Variants in PITPNM3 observed in about 807,000 individuals in gnomAD.
PITPNM3 encodes the protein PITPNM family member 3, also known as membrane-associated phosphatidylinositol transfer protein 3.
In PITPNM3, 26 loss-of-function variants were observed where a neutral mutation model predicts 102.0. That is an observed-to-expected ratio of 0.25 (90% confidence interval 0.19 to 0.35). PITPNM3 has a LOEUF of 0.35. PITPNM3 is among the 10% of genes least tolerant of loss of function. The probability of loss-of-function intolerance (pLI) is 1.00; values close to 1 mark genes in which losing one functional copy is unlikely to be tolerated. For missense variants in PITPNM3, 1,083 were observed against 1,346.1 expected, an observed-to-expected ratio of 0.80 and a Z score of 3.06; for synonymous variants, 578 against 558.6, an observed-to-expected ratio of 1.03 and a Z score of -0.49.
Position 6,464,705 on chromosome 17 carries a change from C to T in PITPNM3, c.1957G>A (p.Gly653Arg). The change falls in exon 15 of 20, where the codon GGG (glycine) becomes AGG (arginine). Residue 653 changes from glycine to arginine, a missense_variant. Gly to Arg is a moderately radical substitution (Grantham distance 125). Transcript: ENST00000262483. ...TCGAGGGGCCCGTACATGAACCGCC[C>T]CACCAGGACCTGGGGGCCATCTTCA... is the stretch of plus-strand genomic sequence containing the variant. ...AAEDGPQVLV[G>R]RFMYGPLDMV... is the part of the protein sequence containing the mutation. The T allele has an allele frequency of 1.9e-6, 3 of 1,614,204 alleles. No individual in the cohort carries two copies. Among genetic ancestry groups the T allele is most frequent in the Non-Finnish European group, 2.5e-6 (3 of 1,180,044 alleles).
intron 3 of PITPNM3, among the ~76,000 whole-genome samples, chr17:6,513,236 G>T (rs565256197): frequency 6.6e-6 from 1 of 152,180 alleles, no homozygotes; most frequent in South Asian, 2.1e-4. Context: ...TTCCCCCTAA[G>T]ATCAGGAATA....
chr17:6,536,305 C>T (rs1039560817), intron 2 of PITPNM3, among the ~76,000 whole-genome samples: 5 of 152,136 alleles, frequency 3.3e-5, no homozygotes, highest in Admixed American at 6.5e-5. Context: ...CTGACCCTCG[C>T]GCCACCCACA....
Position 6,477,146 on chromosome 17 carries a change from A to G in PITPNM3, c.968T>C (p.Ile323Thr). The change falls in exon 9 of 20, where the codon ATT becomes ACT. Residue 323 changes from isoleucine to threonine, a missense_variant. Ile to Thr is a moderately conservative substitution (Grantham distance 89, BLOSUM62 -1). Coordinates refer to ENST00000262483, the MANE Select transcript of PITPNM3 (RefSeq NM_031220.4). ...ATCCTCCAACCCACTGGAGATGTCA[A>G]TGTTGCTTTTGCTGAGACGCTTGCT... ...ASSKRLSKSN[I>T]DISSGLEDEE... The G allele has an allele frequency of 6.2e-7, 1 of 1,614,130 alleles. No homozygotes were observed. Among genetic ancestry groups the G allele is most frequent in the Non-Finnish European group, 8.5e-7 (1 of 1,180,008 alleles).
intron 1 of PITPNM3, among the ~76,000 whole-genome samples, chr17:6,552,969 A>C (rs575798528): frequency 1.3e-5 from 2 of 151,066 alleles, no homozygotes; most frequent in East Asian, 3.9e-4. Flanking sequence ...ACGGGGTTTC[A>C]CCGTGTTAGC....
chr17:6,519,498 G>A (rs1176212327), intron 3 of PITPNM3, among the ~76,000 whole-genome samples: 16 of 150,330 alleles, frequency 1.1e-4, no homozygotes, highest in African/African-American at 3.4e-4. Context: ...CAGCCTGGGC[G>A]ACAGAGTGAG....
intron 19 of PITPNM3, among the ~76,000 whole-genome samples, 164 bp from the exon 20 acceptor site, chr17:6,455,807 G>A (rs1254335346): frequency 6.9e-6 from 1 of 145,742 alleles, no homozygotes; most frequent in East Asian, 2.1e-4. Flanking sequence ...GGCATCAGGC[G>A]GAGGGGTGGG....
chr17:6,530,892 G>A (rs1180977293), intron 2 of PITPNM3, among the ~76,000 whole-genome samples: 1 of 152,208 alleles, frequency 6.6e-6, no homozygotes, highest in Non-Finnish European at 1.5e-5. Context: ...GCCTTGCAAG[G>A]CCATGGGGAG....
chr17:6,474,171 A>G (rs956101618), intron 10 of PITPNM3, among the ~76,000 whole-genome samples: 4 of 151,992 alleles, frequency 2.6e-5, no homozygotes, highest in African/African-American at 4.8e-5. Context: ...ACCACCGGAC[A>G]ATGAGGCCAC....
At chr17:6,516,417 AGCCAG>A (rs1908180012) in intron 3 of PITPNM3, among the ~76,000 whole-genome samples, 1 of 151,094 alleles carries the variant, frequency 6.6e-6, no homozygotes, top group Non-Finnish European at 1.5e-5. Context: ...CAAAAAAATT[AGCCAG>A]GCGTGGTGGC....
At chr17:6,463,251 G>C (rs1904562515) in intron 17 of PITPNM3, among the ~76,000 whole-genome samples, 1 of 152,092 alleles carries the variant, frequency 6.6e-6, no homozygotes, top group African/African-American at 2.4e-5. Flanking sequence ...TACTCTCGAG[G>C]TTCTGATCAC....
At chr17:6,539,600 T>C (rs771159908) in intron 1 of PITPNM3, among the ~76,000 whole-genome samples, 5 of 152,134 alleles carry the variant, frequency 3.3e-5, no homozygotes, top group Non-Finnish European at 7.4e-5. Context: ...CCCTTTAAAA[T>C]AGCGCACACA....
Position 6,478,547 on chromosome 17 carries a change from C to T in PITPNM3, c.777G>A (p.Gln259=). The change falls in exon 7 of 20, where the codon CAG becomes CAA. Residue 259 remains glutamine, a splice_region_variant and synonymous_variant. Transcript: ENST00000262483. This position sits in a 1 kb window ranked among gnomAD's most constrained non-coding sequence, Gnocchi z 4.4. ...AGGAGGAGAGGGCAGGCTGTCCTACCTGCCCACTGAAGCCAATCCCATCAG... is the reference window on the plus strand; with the variant it reads ...AGGAGGAGAGGGCAGGCTGTCCTACTTGCCCACTGAAGCCAATCCCATCAG... ...KSSDGIGFSG[Q]VCLIGDCVGG... The T allele has an allele frequency of 6.2e-7, 1 of 1,613,960 alleles. No individual in the cohort carries two copies. The highest frequency in any genetic ancestry group is 8.5e-7 in the Non-Finnish European group (1 of 1,179,988).
chr17:6,495,310 C>T (rs928641047), intron 4 of PITPNM3, among the ~76,000 whole-genome samples: 1 of 152,072 alleles, frequency 6.6e-6, no homozygotes, highest in Non-Finnish European at 1.5e-5. Context: ...TTTATATCTT[C>T]TCCCAGCTCT....
chr17:6,473,295 C>A, intron 10 of PITPNM3: 1 of 244,294 alleles, frequency 4.1e-6, no homozygotes, highest in South Asian at 5.1e-5. Flanking sequence ...CCAGGTTTGC[C>A]AGAGCTGGTG....
Position 6,477,353 on chromosome 17 carries a change from A to G in PITPNM3, c.901-140T>C. On this transcript the variant is annotated intron_variant, in intron 8 of 19. Transcript: ENST00000262483. ...CTACCCTTCTTCCAAAAGACACAGG[A>G]AGCCACATTGCAATCATGGTAGGAT... 4.5e-6 allele frequency: 4 copies of G among 894,630 alleles called. No homozygotes were observed. In the South Asian group the frequency reaches 5.7e-5, roughly 13 times the overall value. 55.4% of individuals were successfully genotyped at this position (894,630 alleles called of 1,614,324 possible). A position where few individuals can be genotyped will look rare whatever the true frequency, so the allele number is the denominator to read the frequency against.
intron 8 of PITPNM3, among the ~76,000 whole-genome samples, chr17:6,477,548 CT>C (rs1002758322): frequency 2.0e-5 from 3 of 151,902 alleles, no homozygotes; most frequent in East Asian, 3.9e-4. Flanking sequence ...TCTTCTTCTT[CT>C]TTTTTTTCCT....
chr17:6,478,936 T>C lies in PITPNM3; in HGVS notation c.588-200A>G, dbSNP rs958518994. ...AGGGGAAGAGGATTCAAGCCTACAC[T>C]GACTCCCTGTGTGTCCTTCCCGTGC... On this transcript the variant is annotated intron_variant, in intron 6 of 19. Coordinates refer to ENST00000262483, the MANE Select transcript of PITPNM3 (RefSeq NM_031220.4). The surrounding 1 kb of genome is among the most constrained non-coding windows in gnomAD (Gnocchi z 4.4). 4.9e-6 allele frequency: 3 copies of C among 606,600 alleles called. No homozygotes were observed. Among genetic ancestry groups the C allele is most frequent in the Non-Finnish European group, 8.7e-6 (3 of 345,880 alleles). The allele number at this position is 606,600 out of a possible 1,614,324, so 37.6% of individuals were successfully genotyped here.
Position 6,556,412 on chromosome 17 carries a change from G to T in PITPNM3, c.-6C>A, listed in dbSNP as rs1174999108. The T allele has an allele frequency of 3.1e-6, 4 of 1,286,822 alleles. No homozygotes were observed. In the Admixed American group the frequency reaches 1.1e-4, roughly 35 times the overall value. 79.7% of individuals were successfully genotyped at this position (1,286,822 alleles called of 1,614,324 possible). A position where few individuals can be genotyped will look rare whatever the true frequency, so the allele number is the denominator to read the frequency against. ...GCACGGCCCGCCTTGGCCATGTCCC[G>T]GGCGGCGGGCTCCGGCGGCGCTACG... On this transcript the variant is annotated 5_prime_UTR_variant, in exon 1 of 20. Coordinates refer to ENST00000262483, the MANE Select transcript of PITPNM3 (RefSeq NM_031220.4). This position sits in a 1 kb window ranked among gnomAD's most constrained non-coding sequence, Gnocchi z 5.2.
intron 1 of PITPNM3, among the ~76,000 whole-genome samples, chr17:6,544,869 ACACACACACACG>A (rs1909937922): frequency 1.3e-5 from 2 of 151,786 alleles, no homozygotes; most frequent in South Asian, 2.1e-4. Context: ...ACACACTCAC[ACACACACACACG>A]CACACATGCA....
Sources: gnomAD v4.1 joint callset for allele counts (sites outside exome capture counted in the v4.1 genomes callset) on GRCh38, gnomAD v4.1.1 for gene constraint, Gnocchi (gnomAD v3.1) non-coding constraint, MANE v1.5 for transcripts, NCBI Gene and HGNC (gene_info 2026-07-23, HGNC 2026-07-21) for gene names.